NBN: variants seen among roughly 807,000 people sequenced by gnomAD.
The protein encoded by NBN is Nijmegen breakage syndrome 1 (nibrin).
In NBN, 88 loss-of-function variants were observed where a neutral mutation model predicts 90.8. That is an observed-to-expected ratio of 0.97 (90% CI 0.82 to 1.16). The LOEUF (loss-of-function observed/expected upper bound fraction) is 1.16. NBN is among the 50% of genes most tolerant of loss of function. The pLI is 0.00. For missense variants in NBN, 894 were observed against 869.6 expected (o/e 1.03, Z -0.35); for synonymous variants, 328 against 295.1 (o/e 1.11, Z -1.14).
chr8:89,934,595 A>C lies in NBN; in HGVS notation c.*987T>G, dbSNP rs78935210. 1,266 of 233,240 alleles carry C rather than the reference A, an allele frequency of 5.4e-3. 8 individuals carry two copies. The highest frequency in any genetic ancestry group is 7.9e-3 in the Non-Finnish European group (934 of 118,026). 14.4% of individuals were successfully genotyped at this position (233,240 alleles called of 1,614,324 possible). A position where few individuals can be genotyped will look rare whatever the true frequency, so the allele number is the denominator to read the frequency against. On this transcript the variant is annotated 3_prime_UTR_variant, in exon 16 of 16. Coordinates refer to ENST00000265433, the MANE Select transcript of NBN (RefSeq NM_002485.5). ...TGTTTACAAGGGAAGTCATGGAAAT[A>C]TGGCCTCCATTCCTCACTGTTCCAT...
In NBN at chr8:89,955,423, A is replaced by G. The variant is rs1586058905; in HGVS notation, c.1257T>C (p.Asn419=). Reference sequence around the variant, plus strand: ...TTGGGATTCTCATCTTAGCCAAAGTATTTGATACCATACTATTATTATTAG... The same window carrying G: ...TTGGGATTCTCATCTTAGCCAAAGTGTTTGATACCATACTATTATTATTAG... ...TSSNNNSMVS[N]TLAKMRIPNY... The change falls in exon 10 of 16, where the codon AAT becomes AAC. Residue 419 remains asparagine, a synonymous_variant. Transcript: ENST00000265433. 2 of 1,613,868 alleles carry G rather than the reference A, an allele frequency of 1.2e-6. No homozygotes were observed. Among genetic ancestry groups the G allele is most frequent in the Admixed American group, 3.3e-5 (2 of 60,002 alleles).
At chr8:89,941,084 C>T (rs574647415) in intron 14 of NBN, among the ~76,000 whole-genome samples, 51 of 151,994 alleles carry the variant, frequency 3.4e-4, no homozygotes, top group Non-Finnish European at 4.7e-4. Flanking sequence ...TAGATGTGGA[C>T]GACAAAGGTA....
intron 1 of NBN, chr8:89,984,229 C>A (rs571828877): frequency 4.5e-5 from 24 of 533,708 alleles, no homozygotes; most frequent in Middle Eastern, 5.1e-4. Context: ...CCAGCCCTAG[C>A]GCTGCAACGG....
intron 7 of NBN, among the ~76,000 whole-genome samples, chr8:89,966,148 A>G (rs1460328659): frequency 6.6e-6 from 1 of 152,250 alleles, no homozygotes; most frequent in Non-Finnish European, 1.5e-5. Context: ...TTTAAAGTCA[A>G]CAGTGAGATA....
At chr8:89,978,767 G>T (rs1410210681) in intron 4 of NBN, among the ~76,000 whole-genome samples, 4 of 152,118 alleles carry the variant, frequency 2.6e-5, no homozygotes, top group Non-Finnish European at 5.9e-5. Flanking sequence ...CTTTCAAAAA[G>T]ATTGTAACTA....
chr8:89,965,939 A>T (rs1422641484), intron 7 of NBN, among the ~76,000 whole-genome samples: 1 of 152,226 alleles, frequency 6.6e-6, no homozygotes, highest in African/African-American at 2.4e-5. Context: ...CTTTATAATC[A>T]AGTGATCACA....
At position 89,935,490 on chromosome 8, in the gene NBN, G is replaced by T; in HGVS notation, c.*92C>A. The T allele has an allele frequency of 6.9e-7, 1 of 1,449,006 alleles. No homozygotes were observed. 89.8% of individuals were successfully genotyped at this position (1,449,006 alleles called of 1,614,324 possible). A position where few individuals can be genotyped will look rare whatever the true frequency, so the allele number is the denominator to read the frequency against. On this transcript the variant is annotated 3_prime_UTR_variant, in exon 16 of 16. Transcript: ENST00000265433. The stretch of plus-strand genomic sequence containing the variant: ...GCCATAAAACATTGTAACTTAAATC[G>T]CTTCTATACACTATATATTCATATA...
chr8:89,947,213 A>G (rs573364317), intron 12 of NBN, among the ~76,000 whole-genome samples: 30 of 152,328 alleles, frequency 2.0e-4, no homozygotes, highest in African/African-American at 7.2e-4. Context: ...CTCATTTTAT[A>G]GAGTATTTGA....
chr8:89,974,120 C>A (rs1811637396), intron 5 of NBN, among the ~76,000 whole-genome samples: 3 of 152,036 alleles, frequency 2.0e-5, no homozygotes, highest in African/African-American at 7.2e-5. Context: ...TTTCTGAATC[C>A]ATGTATAATT....
At chr8:89,983,741 A>G (rs1372493059) in intron 1 of NBN, among the ~76,000 whole-genome samples, 7 of 152,144 alleles carry the variant, frequency 4.6e-5, no homozygotes, top group Admixed American at 4.6e-4. Context: ...GCATAATTTC[A>G]TTACCCGAGT....
intron 5 of NBN, among the ~76,000 whole-genome samples, chr8:89,971,859 T>C (rs1347520443): frequency 6.6e-6 from 1 of 152,210 alleles, no homozygotes; most frequent in African/African-American, 2.4e-5. Context: ...TATAAGAACA[T>C]CTTAATCATC....
intron 1 of NBN, chr8:89,984,210 G>A: frequency 4.2e-6 from 2 of 479,812 alleles, no homozygotes; most frequent in African/African-American, 2.0e-5. Context: ...CCGCTTACCC[G>A]CAGGCCATCC....
chr8:89,952,283 G>A (rs762585970), intron 11 of NBN, among the ~76,000 whole-genome samples: 1 of 152,180 alleles, frequency 6.6e-6, no homozygotes, highest in Non-Finnish European at 1.5e-5. Flanking sequence ...AGGAAAATCA[G>A]ATATACTGAA....
intron 13 of NBN, 60 bp from the exon 14 acceptor site, chr8:89,943,426 TTAAAAAGATTA>T: frequency 6.7e-7 from 1 of 1,482,662 alleles, no homozygotes; most frequent in Non-Finnish European, 9.4e-7. Context: ...GACCATTTTT[TTAAAAAGATTA>T]AAAAGCAAAG....
intron 8 of NBN, among the ~76,000 whole-genome samples, chr8:89,960,966 A>C (rs1286385355): frequency 6.6e-6 from 1 of 152,138 alleles, no homozygotes; most frequent in Non-Finnish European, 1.5e-5. Flanking sequence ...AACCCACCTA[A>C]ACCTACCTAC....
rs886063164 is a variant in NBN at position 89,935,060 on chromosome 8, A to G, written c.*522T>C. 1.5e-4 allele frequency: 34 copies of G among 233,712 alleles called. No homozygotes were observed. The highest frequency in any genetic ancestry group is 1.2e-4 in the Non-Finnish European group (14 of 118,732). The allele number at this position is 233,712 out of a possible 1,614,324, so 14.5% of individuals were successfully genotyped here. On this transcript the variant is annotated 3_prime_UTR_variant, in exon 16 of 16. Transcript: ENST00000265433. ...GTAAGACTACAGCATAATGGAAAAG[A>G]AAAAATATTAAAAACATTATATTGA...
At position 89,933,372 on chromosome 8, in the gene NBN, TAAG is replaced by T. The variant is rs147020347; in HGVS notation, c.*2207_*2209del. On this transcript the variant is annotated 3_prime_UTR_variant, in exon 16 of 16. Coordinates refer to ENST00000265433, the MANE Select transcript of NBN (RefSeq NM_002485.5). ...CGTTTATTACAATGTAATCCCAACT[TAAG>T]GAGCATCTATGCAGCTACAGTAATT... The T allele has an allele frequency of 2.0e-3, 434 of 220,560 alleles. 3 individuals are homozygous for T. Among genetic ancestry groups the T allele is most frequent in the African/African-American group, 9.4e-3 (419 of 44,680 alleles). The allele number at this position is 220,560 out of a possible 1,614,324, so 13.7% of individuals were successfully genotyped here.
rs370197877 is a variant in NBN at position 89,966,894 on chromosome 8, G to C, written c.897-2387C>G. ...GTGCATGTAACTTTGGTATAAAACA[G>C]AATTCCAGATAAGTTAAAAACAAAT... On this transcript the variant is annotated intron_variant, in intron 7 of 15. Transcript: ENST00000265433. Among the ~76,000 whole-genome samples, 17 of 152,252 alleles carry C rather than the reference G, an allele frequency of 1.1e-4. No homozygotes were observed. In the South Asian group the frequency reaches 1.2e-3, roughly 11 times the overall value.
chr8:89,947,892 G>A lies in NBN; in HGVS notation c.1846C>T (p.Gln616Ter). 3 of 1,539,142 alleles carry A rather than the reference G, an allele frequency of 1.9e-6. No homozygotes were observed. The highest frequency in any genetic ancestry group is 2.7e-6 in the Non-Finnish European group (3 of 1,121,414). ...CGTTTCTTCCCAATTTCATTTTCTT[G>A]CTAAAGAAATAAAATAAAAAATACT... is the stretch of plus-strand genomic sequence containing the variant. ...EAVPESSKISQENEIGKKREL... is the reference protein window; with the variant it reads ...EAVPESSKIS The change falls in exon 12 of 16, where the codon CAA (glutamine) becomes TAA (stop). Residue 616 changes from glutamine (Q) to a stop codon, truncating the protein, a stop_gained and splice_region_variant. Transcript: ENST00000265433. LOFTEE classifies it high-confidence loss of function.
Sources: gnomAD v4.1 joint callset for allele counts (sites outside exome capture counted in the v4.1 genomes callset) on GRCh38, gnomAD v4.1.1 for gene constraint, MANE v1.5 for transcripts, NCBI Gene and HGNC (gene_info 2026-07-23, HGNC 2026-07-21) for gene names.